Variants in HS6ST2 observed in about 807,000 individuals in gnomAD.
HS6ST2 encodes the protein heparan-sulfate 6-O-sulfotransferase 2.
A neutral mutation model predicts 33.0 loss-of-function variants in HS6ST2; 17 were observed. The ratio of observed to expected loss-of-function variants is 0.52; its 90% CI spans 0.35 to 0.77. The LOEUF (loss-of-function observed/expected upper bound fraction) is 0.77. Among genes scored for constraint, HS6ST2 ranks in the 30% least tolerant of loss-of-function variants. The probability of loss-of-function intolerance (pLI) is 0.01; values close to 1 mark genes in which losing one functional copy is unlikely to be tolerated. For missense variants in HS6ST2, 519 were observed against 551.7 expected, an observed-to-expected ratio of 0.94 and a Z score of 0.59; for synonymous variants, 248 against 237.1, an observed-to-expected ratio of 1.05 and a Z score of -0.42.
intron 4 of HS6ST2, among the ~76,000 whole-genome samples, chrX:132,665,955 C>A (rs2063806979): frequency 9.0e-6 from 1 of 111,650 alleles, no homozygotes; most frequent in South Asian, 3.8e-4. Context: ...ACGCAACATT[C>A]AAGCTGTAGG....
intron 3 of HS6ST2, among the ~76,000 whole-genome samples, chrX:132,708,034 G>A (rs1424387943): frequency 1.8e-5 from 2 of 111,271 alleles, no homozygotes; most frequent in East Asian, 5.6e-4. Context: ...AGGAAATGCT[G>A]ACCTACTTGT....
At chrX:132,770,957 G>A (rs1293627063) in intron 2 of HS6ST2, among the ~76,000 whole-genome samples, 1 of 111,962 alleles carries the variant, frequency 8.9e-6, no homozygotes, top group Non-Finnish European at 1.9e-5. Flanking sequence ...GATGCTGAAA[G>A]TGAAGTCTTA....
intron 2 of HS6ST2, among the ~76,000 whole-genome samples, chrX:132,926,720 C>G (rs1053188928): frequency 2.7e-5 from 3 of 111,542 alleles, no homozygotes; most frequent in African/African-American, 9.8e-5. Flanking sequence ...GCCAGGAGTT[C>G]TAGACCAGTC....
At chrX:132,647,150 T>C (rs1372974868) in intron 4 of HS6ST2, among the ~76,000 whole-genome samples, 1 of 111,239 alleles carries the variant, frequency 9.0e-6, no homozygotes, top group Non-Finnish European at 1.9e-5. Flanking sequence ...CATCAGCCTT[T>C]CCCCTCAGTT....
chrX:132,696,706 T>C (rs1446008038), intron 3 of HS6ST2, among the ~76,000 whole-genome samples: 2 of 111,962 alleles, frequency 1.8e-5, no homozygotes, highest in Non-Finnish European at 1.9e-5. Context: ...TAGACTCCCA[T>C]TATTTTACTG....
intron 4 of HS6ST2, among the ~76,000 whole-genome samples, chrX:132,637,951 AAT>A (rs1491579993): frequency 4.4e-5 from 3 of 68,243 alleles, no homozygotes; most frequent in African/African-American, 1.6e-4. Context: ...TTTTATATAT[AAT>A]ATATATAAAA....
intron 3 of HS6ST2, among the ~76,000 whole-genome samples, chrX:132,671,544 T>C (rs1343311320): frequency 1.8e-5 from 2 of 108,306 alleles, no homozygotes; most frequent in African/African-American, 6.8e-5. Flanking sequence ...TACATTATAA[T>C]TGACCCTGTT....
intron 3 of HS6ST2, among the ~76,000 whole-genome samples, chrX:132,687,831 C>A (rs7884671): frequency 6.6e-4 from 73 of 111,145 alleles, no homozygotes; most frequent in African/African-American, 2.2e-3. Flanking sequence ...TCACTGCAAC[C>A]TCTGCCTCCC....
intron 2 of HS6ST2, among the ~76,000 whole-genome samples, chrX:132,719,475 C>G (rs2064309218): frequency 1.8e-5 from 2 of 111,729 alleles, no homozygotes; most frequent in Non-Finnish European, 3.8e-5. Flanking sequence ...AGAAGAATAG[C>G]CCCTGTAGGA....
At chrX:132,743,779 G>T (rs1419830518) in intron 2 of HS6ST2, among the ~76,000 whole-genome samples, 2 of 111,531 alleles carry the variant, frequency 1.8e-5, no homozygotes, top group Non-Finnish European at 3.8e-5. Context: ...TTGTTTGTTT[G>T]TTTTTTGAGA....
chrX:132,823,849 T>TAAAAAA (rs1348912124), intron 2 of HS6ST2, among the ~76,000 whole-genome samples: 8 of 55,495 alleles, frequency 1.4e-4, no homozygotes, highest in African/African-American at 5.3e-4. Context: ...TGAGACTTCA[T>TAAAAAA]AAAAAATAAT....
chrX:132,693,869 G>C (rs929156282), intron 3 of HS6ST2, among the ~76,000 whole-genome samples: 2 of 111,619 alleles, frequency 1.8e-5, no homozygotes, highest in Non-Finnish European at 1.9e-5. Context: ...CAACCTGTGT[G>C]CACTGAAAAC....
chrX:132,663,359 A>T (rs925958322), intron 4 of HS6ST2, among the ~76,000 whole-genome samples: 2 of 111,970 alleles, frequency 1.8e-5, no homozygotes, highest in African/African-American at 6.5e-5. Context: ...ATAAACTGGA[A>T]TTTTTTGTTG....
intron 2 of HS6ST2, among the ~76,000 whole-genome samples, chrX:132,823,712 A>C (rs1185504862): frequency 3.8e-5 from 4 of 105,624 alleles, no homozygotes; most frequent in Non-Finnish European, 7.8e-5. Flanking sequence ...AAAAAAAAAA[A>C]AAAAAAAACC....
At chrX:132,908,249 AAGAC>A (rs762124994) in intron 2 of HS6ST2, among the ~76,000 whole-genome samples, 1 of 112,348 alleles carries the variant, frequency 8.9e-6, no homozygotes, top group South Asian at 3.7e-4. Flanking sequence ...CTATTTGAAA[AAGAC>A]AGATTATAAC....
At chrX:132,632,093 G>A (rs1186564630) in intron 4 of HS6ST2, among the ~76,000 whole-genome samples, 1 of 110,865 alleles carries the variant, frequency 9.0e-6, no homozygotes, top group Non-Finnish European at 1.9e-5. Flanking sequence ...TGTCTACACT[G>A]TAGGGATTTT....
At chrX:132,783,901 C>A (rs2065037840) in intron 2 of HS6ST2, among the ~76,000 whole-genome samples, 1 of 111,620 alleles carries the variant, frequency 9.0e-6, no homozygotes, top group African/African-American at 3.3e-5. Context: ...TGAAGGCAAG[C>A]AATTCTTTTG....
chrX:132,738,674 G>A lies in HS6ST2; in HGVS notation c.948-30180C>T, dbSNP rs1026190316. Among the ~76,000 whole-genome samples, 5 of 112,197 alleles carry A rather than the reference G, an allele frequency of 4.5e-5. No homozygotes were observed. In the East Asian group the frequency reaches 1.4e-3, roughly 31 times the overall value. ...AAAACAACGTTTCATAAATATGGTT[G>A]CAGATTCCTGTGTGGAGACTGCTAG... is the stretch of plus-strand genomic sequence containing the variant. On this transcript the variant is annotated intron_variant, in intron 2 of 4. Coordinates refer to ENST00000370833, the MANE Select transcript of HS6ST2 (RefSeq NM_001394073.1).
chrX:132,776,042 T>C (rs2064954526), intron 2 of HS6ST2, among the ~76,000 whole-genome samples: 1 of 102,510 alleles, frequency 9.8e-6, no homozygotes, highest in Non-Finnish European at 2.0e-5. Flanking sequence ...AACTCATCAA[T>C]GTAAATACTA....
Sources: allele counts gnomAD v4.1 joint callset (sites outside exome capture counted in the v4.1 genomes callset), GRCh38; gene constraint gnomAD v4.1.1; transcripts MANE v1.5; gene names NCBI Gene and HGNC (gene_info 2026-07-23, HGNC 2026-07-21).